The following CYB5R4 variants were observed in gnomAD, a reference collection of about 807,000 sequenced individuals.
CYB5R4 encodes the protein cytochrome b5 reductase 4.
A neutral mutation model predicts 70.2 loss-of-function variants in CYB5R4; 55 were observed. That is an observed-to-expected ratio of 0.78 (90% confidence interval 0.63 to 0.98). CYB5R4 has a LOEUF of 0.98. CYB5R4 is among the 50% of genes least tolerant of loss of function. The pLI is 0.00. For missense variants in CYB5R4, 562 were observed against 612.6 expected (o/e 0.92, Z 0.87); for synonymous variants, 197 against 199.5 (o/e 0.99, Z 0.11).
chr6:83,903,701 T>A (rs905301720), intron 3 of CYB5R4, among the ~76,000 whole-genome samples: 15 of 152,186 alleles, frequency 9.9e-5, no homozygotes, highest in East Asian at 3.9e-4. Context: ...GAGTTTTTTT[T>A]ATTACTGATT....
chr6:83,859,929 C>A, intron 1 of CYB5R4, 72 bp downstream of exon 1: 1 of 1,392,518 alleles, frequency 7.2e-7, no homozygotes. Context: ...TCTTCTTCCG[C>A]CCCAACTCCC....
chr6:83,960,715 A>G lies in CYB5R4; in HGVS notation c.*837A>G, dbSNP rs2099473191. ...TTTAATTCTTTAGTCCATCTAAATCAGCTGGAAAAATGAGGAACATTCTGC... is the reference window on the plus strand; with the variant it reads ...TTTAATTCTTTAGTCCATCTAAATCGGCTGGAAAAATGAGGAACATTCTGC... On this transcript the variant is annotated 3_prime_UTR_variant, in exon 16 of 16. Transcript: ENST00000369681. 6.6e-6 allele frequency: 1 copy of G among 152,234 alleles called. No homozygotes were observed. The highest frequency in any genetic ancestry group is 1.5e-5 in the Non-Finnish European group (1 of 68,040). The allele number at this position is 152,234 out of a possible 1,614,324, so 9.4% of individuals were successfully genotyped here.
chr6:83,951,557 A>C (rs996948547), intron 14 of CYB5R4, among the ~76,000 whole-genome samples: 1 of 152,094 alleles, frequency 6.6e-6, no homozygotes. Context: ...TTTCTGTGTT[A>C]GTTTGCTGAG....
intron 2 of CYB5R4, among the ~76,000 whole-genome samples, chr6:83,883,680 T>C (rs1191436703): frequency 6.6e-6 from 1 of 152,196 alleles, no homozygotes; most frequent in Non-Finnish European, 1.5e-5. Flanking sequence ...GGTTGAAAGT[T>C]AGTGATACCA....
At chr6:83,871,500 C>T (rs2099457636) in intron 2 of CYB5R4, among the ~76,000 whole-genome samples, 1 of 152,056 alleles carries the variant, frequency 6.6e-6, no homozygotes, top group Admixed American at 6.6e-5. Flanking sequence ...GTACTTCTCT[C>T]CCATTCATTA....
intron 2 of CYB5R4, among the ~76,000 whole-genome samples, chr6:83,885,891 T>A (rs1178824988): frequency 6.6e-6 from 1 of 152,038 alleles, no homozygotes; most frequent in African/African-American, 2.4e-5. Context: ...TAGTTGTATA[T>A]ACTCAAGAGA....
intron 2 of CYB5R4, among the ~76,000 whole-genome samples, chr6:83,880,724 A>G (rs1277541154): frequency 2.6e-5 from 4 of 152,200 alleles, no homozygotes; most frequent in Admixed American, 1.3e-4. Context: ...AAGTAGTAAT[A>G]ACGTCACATA....
At chr6:83,922,494 T>C (rs2099466538) in intron 9 of CYB5R4, 24 bp downstream of exon 9, 2 of 1,593,746 alleles carry the variant, frequency 1.3e-6, no homozygotes, top group South Asian at 1.1e-5. Flanking sequence ...AACCAAAAAT[T>C]ATGTATGTAC....
intron 2 of CYB5R4, among the ~76,000 whole-genome samples, chr6:83,890,324 G>C (rs919820244): frequency 6.6e-6 from 1 of 152,146 alleles, no homozygotes; most frequent in African/African-American, 2.4e-5. Flanking sequence ...TAACTTTGAA[G>C]GGTTCAAGAC....
At chr6:83,886,145 G>A (rs1243624072) in intron 2 of CYB5R4, among the ~76,000 whole-genome samples, 1 of 152,160 alleles carries the variant, frequency 6.6e-6, no homozygotes, top group Non-Finnish European at 1.5e-5. Flanking sequence ...GAGTCCCAAT[G>A]CAGTATAGGG....
At position 83,955,470 on chromosome 6, in the gene CYB5R4, A is replaced by G. The variant is rs770715931; in HGVS notation, c.1511+8A>G. On this transcript the variant is annotated splice_region_variant and intron_variant, in intron 15 of 15. Transcript: ENST00000369681. ...TACAGAACAAGGAGTAAGGTGAGTAACAGTGTAGTAGGAAACAGACTGCCC... is the reference window on the plus strand; with the variant it reads ...TACAGAACAAGGAGTAAGGTGAGTAGCAGTGTAGTAGGAAACAGACTGCCC... 1.2e-6 allele frequency: 2 copies of G among 1,612,136 alleles called. No homozygotes were observed. Among genetic ancestry groups the G allele is most frequent in the Admixed American group, 3.3e-5 (2 of 59,926 alleles).
intron 2 of CYB5R4, among the ~76,000 whole-genome samples, chr6:83,880,488 A>AT (rs933057931): frequency 5.9e-4 from 87 of 148,702 alleles, no homozygotes; most frequent in East Asian, 3.1e-3. Flanking sequence ...AGGGAAACTG[A>AT]TTTTTTTTTT....
chr6:83,897,708 C>A (rs867944354), intron 3 of CYB5R4, among the ~76,000 whole-genome samples: 11 of 152,150 alleles, frequency 7.2e-5, no homozygotes, highest in African/African-American at 2.2e-4. Flanking sequence ...TGAGAAGTGT[C>A]TGTTCATATC....
intron 2 of CYB5R4, among the ~76,000 whole-genome samples, chr6:83,887,021 T>G (rs2099460355): frequency 6.6e-6 from 1 of 152,182 alleles, no homozygotes; most frequent in Non-Finnish European, 1.5e-5. Flanking sequence ...GCCCACAGTC[T>G]TTATCAGAGG....
chr6:83,879,805 T>TTCTCAGGGA (rs1392083066), intron 2 of CYB5R4, among the ~76,000 whole-genome samples: 4 of 152,162 alleles, frequency 2.6e-5, no homozygotes, highest in Non-Finnish European at 5.9e-5. Flanking sequence ...GTGTCTGAGG[T>TTCTCAGGGA]TCTCAGGGAT....
At chr6:83,874,799 T>C (rs1386838185) in intron 2 of CYB5R4, among the ~76,000 whole-genome samples, 1 of 151,778 alleles carries the variant, frequency 6.6e-6, no homozygotes, top group Non-Finnish European at 1.5e-5. Flanking sequence ...ACTTTTTATA[T>C]TTTTGTCTTT....
intron 14 of CYB5R4, among the ~76,000 whole-genome samples, chr6:83,943,012 G>A (rs1336444420): frequency 6.6e-6 from 1 of 152,172 alleles, no homozygotes; most frequent in Non-Finnish European, 1.5e-5. Flanking sequence ...AGTGCCTGGG[G>A]GAAGGGGCAG....
At position 83,942,518 on chromosome 6, in the gene CYB5R4, A is replaced by C. The variant is rs973656933; in HGVS notation, c.1346+1917A>C. ...CTACACCACCAGGGCCCTGGGTTTC[A>C]AGCACAAACTTGGGTGGCCATTTGG... On this transcript the variant is annotated intron_variant, in intron 14 of 15. Coordinates refer to ENST00000369681, the MANE Select transcript of CYB5R4 (RefSeq NM_016230.4). 5.3e-5 allele frequency among the ~76,000 whole-genome samples: 8 copies of C among 152,268 alleles called. No homozygotes were observed. The South Asian group carries it at 6.2e-4, about 12-fold the overall frequency.
Position 83,940,068 on chromosome 6 carries a change from C to CTG in CYB5R4, c.1123_1124dup (p.Ser376Ter). The CTG allele has an allele frequency of 2.6e-6, 4 of 1,526,178 alleles. No individual in the cohort carries two copies. Among genetic ancestry groups the CTG allele is most frequent in the Non-Finnish European group, 3.5e-6 (4 of 1,131,262 alleles). The allele number at this position is 1,526,178 out of a possible 1,614,324, so 94.5% of individuals were successfully genotyped here. ...TTTCATTGTTTAGGAGATTTTGTTTCTGTAAGCAGTCCTGAGGGCAATTTT... is the reference window on the plus strand; with the variant it reads ...TTTCATTGTTTAGGAGATTTTGTTTCTGTGTAAGCAGTCCTGAGGGCAATTTT... On this transcript the variant is annotated frameshift_variant, in exon 13 of 16. Transcript: ENST00000369681. LOFTEE classifies it high-confidence loss of function.
Sources: allele counts gnomAD v4.1 joint callset (sites outside exome capture counted in the v4.1 genomes callset), GRCh38; gene constraint gnomAD v4.1.1; transcripts MANE v1.5; gene names NCBI Gene and HGNC (gene_info 2026-07-23, HGNC 2026-07-21).